The following PFKFB3 variants were observed in gnomAD, a reference collection of about 807,000 sequenced individuals.
PFKFB3 encodes the protein 6-phosphofructo-2-kinase/fructose-2,6-bisphosphatase 3.
PFKFB3 carries 33 observed loss-of-function variants against 68.0 expected under a neutral mutation model. The ratio of observed to expected loss-of-function variants is 0.49; its 90% CI spans 0.37 to 0.65. The LOEUF (loss-of-function observed/expected upper bound fraction) is 0.65, where lower values mean the gene tolerates loss of function less well. Ranked by LOEUF, PFKFB3 falls within the 30% of genes least tolerant of loss-of-function variation. PFKFB3 has a pLI of 0.00. For synonymous variants in PFKFB3, 315 were observed against 288.2 expected (o/e 1.09, Z -0.94); for missense variants, 586 against 712.2 (o/e 0.82, Z 2.02).
the PFKFB3 span, among the ~76,000 whole-genome samples, chr10:6,280,184 C>T: frequency 2.6e-4 from 40 of 152,362 alleles, no homozygotes; most frequent in African/African-American, 9.4e-4. Context: ...GGATAACTGC[C>T]TCACGTCTAC....
intron 14 of PFKFB3, among the ~76,000 whole-genome samples, chr10:6,251,910 G>A (rs1846389916): frequency 6.6e-6 from 1 of 152,206 alleles, no homozygotes; most frequent in Non-Finnish European, 1.5e-5. Context: ...GGAAATTGCA[G>A]TGAGCCAAGA....
chr10:6,220,961 T>C lies in PFKFB3; in HGVS notation c.831+96T>C. 4.2e-6 allele frequency: 5 copies of C among 1,192,226 alleles called. No individual in the cohort carries two copies. The highest frequency in any genetic ancestry group is 6.2e-6 in the Non-Finnish European group (5 of 812,496). 73.9% of individuals were successfully genotyped at this position (1,192,226 alleles called of 1,614,324 possible). ...AGCTGTGTGCTGCTGCTGCTGCTGCTGCTGCTGCTTGGTGTGCTTGCTGTG... is the reference window on the plus strand; with the variant it reads ...AGCTGTGTGCTGCTGCTGCTGCTGCCGCTGCTGCTTGGTGTGCTTGCTGTG... On this transcript the variant is annotated intron_variant, in intron 8 of 14. Coordinates refer to ENST00000379775, the MANE Select transcript of PFKFB3 (RefSeq NM_004566.4). This position sits in a 1 kb window ranked among gnomAD's most constrained non-coding sequence, Gnocchi z 4.1.
At chr10:6,272,983 G>C in the PFKFB3 span, among the ~76,000 whole-genome samples, 4 of 150,386 alleles carry the variant, frequency 2.7e-5, no homozygotes, top group African/African-American at 4.9e-5. Flanking sequence ...TGTGCAGTGA[G>C]TGGGGCTGAG....
chr10:6,236,088 C>T (rs2132068725), downstream of PFKFB3, among the ~76,000 whole-genome samples: 1 of 152,292 alleles, frequency 6.6e-6, no homozygotes, highest in East Asian at 1.9e-4. Flanking sequence ...TTACTCCCTT[C>T]ATTCTATACC....
Position 6,215,117 on chromosome 10 carries a change from T to C in PFKFB3, c.203-104T>C. The C allele has an allele frequency of 1.1e-6, 1 of 870,232 alleles. No homozygotes were observed. The highest frequency in any genetic ancestry group is 1.9e-6 in the Non-Finnish European group (1 of 528,494). The allele number at this position is 870,232 out of a possible 1,614,324, so 53.9% of individuals were successfully genotyped here. A position where few individuals can be genotyped will look rare whatever the true frequency, so the allele number is the denominator to read the frequency against. On this transcript the variant is annotated intron_variant, in intron 2 of 14. Coordinates refer to ENST00000379775, the MANE Select transcript of PFKFB3 (RefSeq NM_004566.4). The surrounding 1 kb of genome is among the most constrained non-coding windows in gnomAD (Gnocchi z 4.3). ...CCACACCATCTCATTCAAGTCGGTG[T>C]GGTTGGCCTGGTGGCTCTTCCTTTG...
intron 1 of PFKFB3, among the ~76,000 whole-genome samples, chr10:6,207,145 A>G (rs1486483304): frequency 6.6e-6 from 1 of 152,226 alleles, no homozygotes; most frequent in Non-Finnish European, 1.5e-5. Context: ...CAGCCTGGGC[A>G]CCATTGAGCA....
rs748048770 is a variant in PFKFB3, at chr10:6,229,189, T to A, written c.1515+2824T>A. 1 of 479,406 alleles carries A rather than the reference T, an allele frequency of 2.1e-6. No homozygotes were observed. Among genetic ancestry groups the A allele is most frequent in the East Asian group, 6.4e-5 (1 of 15,636 alleles). The allele number at this position is 479,406 out of a possible 1,614,324, so 29.7% of individuals were successfully genotyped here. ...CTTTGGAAATGGGAGAGGTTTGGCA[T>A]GGCGCTCAGATTTTGGTGGCAAAGG... On this transcript the variant is annotated intron_variant, in intron 14 of 14. Coordinates refer to ENST00000379775, the MANE Select transcript of PFKFB3 (RefSeq NM_004566.4). The surrounding 1 kb of genome is among the most constrained non-coding windows in gnomAD (Gnocchi z 4.3).
chr10:6,236,445 C>G (rs143049322), downstream of PFKFB3, among the ~76,000 whole-genome samples: 1 of 152,210 alleles, frequency 6.6e-6, no homozygotes, highest in Non-Finnish European at 1.5e-5. Flanking sequence ...CCGGAGCCCC[C>G]CACTGCTGCG....
chr10:6,259,538 C>CCA (rs1227349306), downstream of PFKFB3, among the ~76,000 whole-genome samples: 18 of 114,084 alleles, frequency 1.6e-4, no homozygotes, highest in African/African-American at 5.2e-4. Context: ...ACCCATCCAT[C>CCA]TGCTCATCCA....
At chr10:6,316,390 G>A in the PFKFB3 span, among the ~76,000 whole-genome samples, 3 of 152,222 alleles carry the variant, frequency 2.0e-5, no homozygotes, top group Non-Finnish European at 4.4e-5. Context: ...AAAAGGCAAT[G>A]GCACAAGAGC....
In PFKFB3 at chr10:6,194,613, C is replaced by T. The variant is rs888450098; in HGVS notation, c.17-19010C>T. On this transcript the variant is annotated intron_variant, in intron 1 of 14. Transcript: ENST00000379789. ...TAAGCAATGTCTTTCTAGCCAGTAG[C>T]GCCATCTGATAATGGAGCAAACAGC... Among the ~76,000 whole-genome samples, 12 of 152,166 alleles carry T rather than the reference C, an allele frequency of 7.9e-5. 1 individual carries two copies. The highest frequency in any genetic ancestry group is 3.9e-4 in the Admixed American group (6 of 15,272).
Position 6,233,501 on chromosome 10 carries a change from C to T in PFKFB3, c.*559C>T, listed in dbSNP as rs1033444452. On this transcript the variant is annotated 3_prime_UTR_variant, in exon 15 of 15. Coordinates refer to ENST00000379775, the MANE Select transcript of PFKFB3 (RefSeq NM_004566.4). ...GGTTGAGGCCTCTTCTGCAGGAAGT[C>T]CCTGAGCTGAGACGCAAGTTGGCTG... The T allele has an allele frequency of 6.6e-6, 1 of 152,590 alleles. No individual in the cohort carries two copies. Among genetic ancestry groups the T allele is most frequent in the African/African-American group, 2.4e-5 (1 of 41,466 alleles). The allele number at this position is 152,590 out of a possible 1,614,324, so 9.5% of individuals were successfully genotyped here.
rs1316403842 is a variant in PFKFB3, at chr10:6,154,078, G to A, written c.16+9065G>A. Among the ~76,000 whole-genome samples, 5 of 152,092 alleles carry A rather than the reference G, an allele frequency of 3.3e-5. No individual in the cohort carries two copies. The highest frequency in any genetic ancestry group is 1.2e-4 in the African/African-American group (5 of 41,414). Reference sequence around the variant, plus strand: ...GCGGCTGAGTGCAGGAGGAACCTGCGGGCCAGCACCGCTTCTGCAGGGTGA... The same window carrying A: ...GCGGCTGAGTGCAGGAGGAACCTGCAGGCCAGCACCGCTTCTGCAGGGTGA... On this transcript the variant is annotated intron_variant, in intron 1 of 14. Transcript: ENST00000379789. This position sits in a 1 kb window ranked among gnomAD's most constrained non-coding sequence, Gnocchi z 4.6.
chr10:6,203,377 C>CGCCGG (rs778802497), intron 1 of PFKFB3, 41 bp downstream of exon 1: 3 of 1,516,456 alleles, frequency 2.0e-6, no homozygotes, highest in African/African-American at 1.4e-5. Flanking sequence ...GGGCGGGCTG[C>CGCCGG]GCCGGGCCGG....
At chr10:6,173,893 C>T (rs1054690530) in intron 1 of PFKFB3, among the ~76,000 whole-genome samples, 5 of 152,030 alleles carry the variant, frequency 3.3e-5, no homozygotes, top group African/African-American at 1.2e-4. Context: ...TCCCTGTCAG[C>T]GGAATGCGCA....
Position 6,233,008 on chromosome 10 carries a change from G to C in PFKFB3, c.*66G>C, listed in dbSNP as rs1845839336. 30 of 1,266,136 alleles carry C rather than the reference G, an allele frequency of 2.4e-5. No homozygotes were observed. In the South Asian group the frequency reaches 3.5e-4, roughly 15 times the overall value. 78.4% of individuals were successfully genotyped at this position (1,266,136 alleles called of 1,614,324 possible). A position where few individuals can be genotyped will look rare whatever the true frequency, so the allele number is the denominator to read the frequency against. ...TTAGCTTGTGTCCTGCCCTCCGCCC[G>C]AGGCAAAACGTATCCTGAGGACTTC... On this transcript the variant is annotated 3_prime_UTR_variant, in exon 15 of 15. Coordinates refer to ENST00000379775, the MANE Select transcript of PFKFB3 (RefSeq NM_004566.4).
the PFKFB3 span, among the ~76,000 whole-genome samples, chr10:6,301,494 G>A: frequency 1.3e-5 from 2 of 152,336 alleles, no homozygotes; most frequent in South Asian, 4.1e-4. Context: ...CCCCAGAGAA[G>A]CACATTGTTT....
the PFKFB3 span, among the ~76,000 whole-genome samples, chr10:6,292,085 C>T: frequency 6.7e-6 from 1 of 150,062 alleles, no homozygotes; most frequent in Non-Finnish European, 1.5e-5. Flanking sequence ...TCCCGAGTAG[C>T]TGGGATTACA....
At chr10:6,176,404 A>G (rs74704988) in intron 1 of PFKFB3, among the ~76,000 whole-genome samples, 1,565 of 152,128 alleles carry the variant, frequency 0.01, 62 homozygotes, top group East Asian at 0.089. Context: ...TATACTTCTC[A>G]TTTACCTGTT....
Sources: gnomAD v4.1 joint callset for allele counts (sites outside exome capture counted in the v4.1 genomes callset) on GRCh38, gnomAD v4.1.1 for gene constraint, Gnocchi (gnomAD v3.1) non-coding constraint, MANE v1.5 for transcripts, NCBI Gene and HGNC (gene_info 2026-07-23, HGNC 2026-07-21) for gene names.